PCDHGA8: variants seen among roughly 807,000 people sequenced by gnomAD.
PCDHGA8 encodes protocadherin gamma-A8.
In PCDHGA8, 45 loss-of-function variants were observed where a neutral mutation model predicts 59.2. The ratio of observed to expected loss-of-function variants is 0.76; its 90% confidence interval spans 0.60 to 0.98. The LOEUF is 0.98. Among genes scored for constraint, PCDHGA8 ranks in the 50% least tolerant of loss-of-function variants. The pLI, the probability that PCDHGA8 is intolerant of heterozygous loss-of-function variation, is 0.00. For synonymous variants in PCDHGA8, 531 were observed against 519.0 expected (o/e 1.02, Z -0.32); for missense variants, 1,257 against 1,196.2 (o/e 1.05, Z -0.75).
At chr5:141,438,248 C>A (rs1370527448) in intron 1 of PCDHGA8, among the ~76,000 whole-genome samples, 1 of 151,970 alleles carries the variant, frequency 6.6e-6, no homozygotes, top group Non-Finnish European at 1.5e-5. Flanking sequence ...AAAAAACTGT[C>A]ATTGAAGAGA....
chr5:141,506,471 C>T (rs2099854191), intron 3 of PCDHGA8, among the ~76,000 whole-genome samples: 2 of 148,834 alleles, frequency 1.3e-5, no homozygotes, highest in African/African-American at 5.0e-5. Flanking sequence ...AAAAAGAGCA[C>T]AGGCTTTAGA....
At chr5:141,421,827 C>A in intron 1 of PCDHGA8, 1 of 1,613,802 alleles carries the variant, frequency 6.2e-7, no homozygotes, top group Non-Finnish European at 8.5e-7. Flanking sequence ...TGGAGGGAAG[C>A]CTGGACCGAG....
Position 141,486,151 on chromosome 5 carries a change from T to C in PCDHGA8, c.2425-8656T>C, listed in dbSNP as rs570065848. The C allele has an allele frequency of 2.7e-5, 44 of 1,613,914 alleles. No individual in the cohort carries two copies. In the South Asian group the frequency reaches 4.3e-4, roughly 16 times the overall value. ...TTGATGTGCGGGCTCGCGATGGGGGTTCTCCAGCCATGGAGCAACATTGCA... is the reference window on the plus strand; with the variant it reads ...TTGATGTGCGGGCTCGCGATGGGGGCTCTCCAGCCATGGAGCAACATTGCA... On this transcript the variant is annotated intron_variant, in intron 1 of 3. Transcript: ENST00000398604. The surrounding 1 kb of genome is among the most constrained non-coding windows in gnomAD (Gnocchi z 5.0).
At chr5:141,465,831 T>A (rs997004387) in intron 1 of PCDHGA8, among the ~76,000 whole-genome samples, 1 of 151,980 alleles carries the variant, frequency 6.6e-6, no homozygotes, top group African/African-American at 2.4e-5. Context: ...TTGTTTAAAA[T>A]TTCAACTGAG....
At chr5:141,419,034 T>C in intron 1 of PCDHGA8, 1 of 1,613,902 alleles carries the variant, frequency 6.2e-7, no homozygotes, top group Non-Finnish European at 8.5e-7. Flanking sequence ...GGTGTTCCAT[T>C]TAAGATTCAT....
At chr5:141,409,516 C>T (rs1303826331) in intron 1 of PCDHGA8, 6 of 1,614,006 alleles carry the variant, frequency 3.7e-6, no homozygotes, top group South Asian at 1.1e-5. Context: ...GTAGAAGCAT[C>T]ACCTTGTATG....
At chr5:141,427,410 G>GA (rs1197961039) in intron 1 of PCDHGA8, 3 of 463,834 alleles carry the variant, frequency 6.5e-6, no homozygotes, top group African/African-American at 2.0e-5. Flanking sequence ...AGATTCGAGA[G>GA]AAAATGGGGA....
chr5:141,455,798 T>TA (rs2098831882), intron 1 of PCDHGA8, among the ~76,000 whole-genome samples: 1 of 152,036 alleles, frequency 6.6e-6, no homozygotes, highest in African/African-American at 2.4e-5. Flanking sequence ...GGAGATGCTT[T>TA]AAAAAATGAA....
chr5:141,480,239 A>C (rs1320132415), intron 1 of PCDHGA8, among the ~76,000 whole-genome samples: 4 of 136,218 alleles, frequency 2.9e-5, no homozygotes, highest in African/African-American at 1.1e-4. Context: ...TCCTGTCTCT[A>C]CAAAAAAAAA....
chr5:141,502,402 A>T (rs1317862793), intron 2 of PCDHGA8, among the ~76,000 whole-genome samples: 1 of 151,976 alleles, frequency 6.6e-6, no homozygotes, highest in Admixed American at 6.6e-5. Flanking sequence ...AATGTCCCCG[A>T]ACCTGGATTT....
chr5:141,414,785 C>A, intron 1 of PCDHGA8: 1 of 1,614,232 alleles, frequency 6.2e-7, no homozygotes, highest in Non-Finnish European at 8.5e-7. Context: ...ATGCAGGTGA[C>A]AGCCAGCGAC....
chr5:141,495,000 G>A lies in PCDHGA8; in HGVS notation c.2483+135G>A, dbSNP rs191756104. ...AGTTTGAGATCCCAGGGAGGTCTTG[G>A]TGTGCGGGGGGCTGGCACACAGACC... On this transcript the variant is annotated intron_variant, in intron 2 of 3. Transcript: ENST00000398604. 1.3e-4 allele frequency: 202 copies of A among 1,531,656 alleles called. 2 individuals carry two copies. The African/African-American group carries it at 2.4e-3, about 19-fold the overall frequency. The allele number at this position is 1,531,656 out of a possible 1,614,324, so 94.9% of individuals were successfully genotyped here. A position where few individuals can be genotyped will look rare whatever the true frequency, so the allele number is the denominator to read the frequency against.
At chr5:141,404,819 A>G in intron 1 of PCDHGA8, 1 of 1,608,430 alleles carries the variant, frequency 6.2e-7, no homozygotes, top group South Asian at 1.1e-5. Flanking sequence ...GGGGCTGCAC[A>G]CAGGTGAAGT....
rs183952562 is a variant in PCDHGA8 at position 141,423,399 on chromosome 5, C to A, written c.2424+28162C>A. On this transcript the variant is annotated intron_variant, in intron 1 of 3. Transcript: ENST00000398604. ...GGCTGTGGCGCTGGCATAAGTCACG[C>A]CTGCTGCAGGCTTCTGAAGGCGGGT... 3.5e-5 allele frequency: 56 copies of A among 1,614,150 alleles called. No homozygotes were observed. The East Asian group carries it at 1.1e-3, about 33-fold the overall frequency.
intron 2 of PCDHGA8, among the ~76,000 whole-genome samples, chr5:141,497,248 G>A (rs1442942520): frequency 6.6e-6 from 1 of 152,128 alleles, no homozygotes; most frequent in African/African-American, 2.4e-5. Context: ...AGGAGGAGGT[G>A]ACATTGAGAA....
Position 141,432,923 on chromosome 5 carries a change from T to C in PCDHGA8, c.2424+37686T>C. ...GCTCAGGCTGCGGCGCTGGCACAAG[T>C]CACGCCTGCTGCAGGCTTCAGGAGG... On this transcript the variant is annotated intron_variant, in intron 1 of 3. Coordinates refer to ENST00000398604, the MANE Select transcript of PCDHGA8 (RefSeq NM_032088.2). This position sits in a 1 kb window ranked among gnomAD's most constrained non-coding sequence, Gnocchi z 6.0. The C allele has an allele frequency of 6.2e-7, 1 of 1,614,186 alleles. No homozygotes were observed. Among genetic ancestry groups the C allele is most frequent in the Non-Finnish European group, 8.5e-7 (1 of 1,180,034 alleles).
intron 1 of PCDHGA8, chr5:141,423,473 C>A: frequency 6.2e-7 from 1 of 1,614,010 alleles, no homozygotes; most frequent in Non-Finnish European, 8.5e-7. Flanking sequence ...GGGGTACAGG[C>A]TTTCCTGCAA....
intron 2 of PCDHGA8, among the ~76,000 whole-genome samples, chr5:141,499,576 G>C (rs2099792836): frequency 1.3e-5 from 2 of 151,790 alleles, no homozygotes; most frequent in Non-Finnish European, 2.9e-5. Context: ...TTCAACTAAT[G>C]CCTTATCTTG....
chr5:141,409,919 G>C (rs774277848), intron 1 of PCDHGA8: 1 of 1,613,346 alleles, frequency 6.2e-7, no homozygotes, highest in South Asian at 1.1e-5. Flanking sequence ...TGACGGCTCC[G>C]CGTTCTTCGA....
Sources: gnomAD v4.1 joint callset for allele counts (sites outside exome capture counted in the v4.1 genomes callset) on GRCh38, gnomAD v4.1.1 for gene constraint, Gnocchi (gnomAD v3.1) non-coding constraint, MANE v1.5 for transcripts, NCBI Gene and HGNC (gene_info 2026-07-23, HGNC 2026-07-21) for gene names.